Variants in PTPRD observed in about 807,000 individuals in gnomAD.
PTPRD encodes receptor-type tyrosine-protein phosphatase delta.
Under a neutral mutation model 214.5 loss-of-function variants are expected in PTPRD, and 34 were observed. The ratio of observed to expected loss-of-function variants is 0.16; its 90% CI spans 0.12 to 0.21. The LOEUF is 0.21. PTPRD is among the 10% of genes least tolerant of loss of function. The probability of loss-of-function intolerance (pLI) is 1.00; values close to 1 mark genes in which losing one functional copy is unlikely to be tolerated. For missense variants in PTPRD, 2,545 were observed against 2,398.7 expected, an observed-to-expected ratio of 1.06 and a Z score of -1.27; for synonymous variants, 1,128 against 845.7, an observed-to-expected ratio of 1.33 and a Z score of -5.79.
At position 8,673,430 on chromosome 9, in the gene PTPRD, A is replaced by C. The variant is rs1001565415; in HGVS notation, c.65-36586T>G. ...GCACTTAACACATTTTTCATGCTCT[A>C]TAAATTATTAATAATAACAGTAGTA... On this transcript the variant is annotated intron_variant, in intron 12 of 45. Coordinates refer to ENST00000381196, the MANE Select transcript of PTPRD (RefSeq NM_002839.4). Among the ~76,000 whole-genome samples the C allele has an allele frequency of 2.6e-5, 4 of 152,292 alleles. No homozygotes were observed. In the East Asian group the frequency reaches 5.8e-4, roughly 22 times the overall value.
At chr9:10,461,911 C>T (rs1317797310) in intron 2 of PTPRD, among the ~76,000 whole-genome samples, 3 of 152,100 alleles carry the variant, frequency 2.0e-5, no homozygotes, top group Non-Finnish European at 2.9e-5. Flanking sequence ...CGTGAATCAC[C>T]ACACCCGGTC....
At chr9:10,153,486 T>C (rs898105667) in intron 3 of PTPRD, among the ~76,000 whole-genome samples, 5 of 150,664 alleles carry the variant, frequency 3.3e-5, no homozygotes, top group African/African-American at 9.7e-5. Context: ...GTCTATAATC[T>C]ATATTTATAC....
intron 2 of PTPRD, among the ~76,000 whole-genome samples, chr9:10,550,256 A>C (rs1357383855): frequency 6.6e-6 from 1 of 152,180 alleles, no homozygotes; most frequent in Non-Finnish European, 1.5e-5. Context: ...AAAATAAATC[A>C]AGTACTTTCT....
In PTPRD at chr9:10,363,733, T is replaced by A. The variant is rs139791930; in HGVS notation, c.-599-22716A>T. 1.5e-3 allele frequency among the ~76,000 whole-genome samples: 223 copies of A among 152,276 alleles called. 1 individual carries two copies. The highest frequency in any genetic ancestry group is 5.2e-3 in the African/African-American group (216 of 41,558). On this transcript the variant is annotated intron_variant, in intron 2 of 45. Coordinates refer to ENST00000381196, the MANE Select transcript of PTPRD (RefSeq NM_002839.4). ...CCAGGATTTCAATAGATAACCATTG[T>A]CCAAATAAACCAATAAAATGTGACC...
intron 2 of PTPRD, among the ~76,000 whole-genome samples, chr9:10,583,624 A>G (rs1304556389): frequency 6.6e-6 from 1 of 151,720 alleles, no homozygotes; most frequent in Non-Finnish European, 1.5e-5. Flanking sequence ...GACTACAGGC[A>G]CCCGCCACCA....
intron 5 of PTPRD, among the ~76,000 whole-genome samples, chr9:9,794,296 T>C (rs943148754): frequency 2.0e-5 from 3 of 151,752 alleles, no homozygotes; most frequent in Non-Finnish European, 4.4e-5. Flanking sequence ...ATGTTGACCA[T>C]GGAAGGTGTT....
chr9:9,205,576 G>T (rs1331014740), intron 9 of PTPRD, among the ~76,000 whole-genome samples: 2 of 152,074 alleles, frequency 1.3e-5, no homozygotes, highest in Non-Finnish European at 2.9e-5. Flanking sequence ...TTCTTTCTTT[G>T]CATTATCTAA....
chr9:10,078,226 C>G lies in PTPRD; in HGVS notation c.-544-44436G>C, dbSNP rs190665915. Among the ~76,000 whole-genome samples the G allele has an allele frequency of 1.9e-3, 295 of 151,654 alleles. 2 individuals carry two copies. The highest frequency in any genetic ancestry group is 6.7e-3 in the African/African-American group (275 of 41,352). The stretch of plus-strand genomic sequence containing the variant: ...AGATCTCAGGGTTAGAAAGAACCCA[C>G]CTAGGGCCGGGCACAGTGGCTTACG... On this transcript the variant is annotated intron_variant, in intron 3 of 45. Transcript: ENST00000381196.
At chr9:9,638,157 C>T (rs80289626) in intron 7 of PTPRD, among the ~76,000 whole-genome samples, 2,878 of 152,280 alleles carry the variant, frequency 0.019, 87 homozygotes, top group African/African-American at 0.066. Flanking sequence ...CAAAATACTG[C>T]TTTATTCTTT....
intron 9 of PTPRD, among the ~76,000 whole-genome samples, chr9:9,274,660 T>G (rs1437347889): frequency 6.6e-6 from 1 of 151,226 alleles, no homozygotes; most frequent in Admixed American, 6.6e-5. Context: ...TTGAACATAT[T>G]CTTTTGTCAG....
intron 44 of PTPRD, among the ~76,000 whole-genome samples, chr9:8,327,730 T>C (rs551585095): frequency 1.1e-4 from 16 of 152,240 alleles, no homozygotes; most frequent in Non-Finnish European, 2.1e-4. Flanking sequence ...CTGTAGAGGG[T>C]TCATATATAT....
chr9:9,451,179 G>C (rs2092077075), intron 8 of PTPRD, among the ~76,000 whole-genome samples: 1 of 151,676 alleles, frequency 6.6e-6, no homozygotes, highest in Non-Finnish European at 1.5e-5. Flanking sequence ...GCAATACACA[G>C]AAGGAAAAGC....
chr9:9,801,808 T>G (rs146140716), intron 5 of PTPRD, among the ~76,000 whole-genome samples: 321 of 152,186 alleles, frequency 2.1e-3, no homozygotes, highest in African/African-American at 7.4e-3. Context: ...TGCAAGTTCT[T>G]TTATCCGTTG....
chr9:9,462,841 A>T (rs1207115898), intron 8 of PTPRD, among the ~76,000 whole-genome samples: 1 of 152,112 alleles, frequency 6.6e-6, no homozygotes, highest in Non-Finnish European at 1.5e-5. Context: ...TAGACACTTT[A>T]TCCCTCTTCT....
intron 4 of PTPRD, among the ~76,000 whole-genome samples, chr9:9,990,937 C>CTTT (rs5896359): frequency 0.067 from 9,429 of 141,564 alleles, 438 homozygotes; most frequent in East Asian, 0.13. Context: ...GTAAAATAGT[C>CTTT]TTTTTTTTTT....
chr9:9,395,544 C>T (rs1049044003), intron 9 of PTPRD, among the ~76,000 whole-genome samples: 5 of 152,080 alleles, frequency 3.3e-5, no homozygotes, highest in Non-Finnish European at 7.4e-5. Flanking sequence ...TGGCCTTCTT[C>T]AAGCACCTAC....
intron 8 of PTPRD, among the ~76,000 whole-genome samples, chr9:9,419,043 A>AAC (rs1180650852): frequency 6.6e-6 from 1 of 151,426 alleles, no homozygotes; most frequent in Non-Finnish European, 1.5e-5. Flanking sequence ...ATTGAATGAG[A>AAC]ACACACATAT....
chr9:10,219,472 G>A (rs1192969924), intron 3 of PTPRD, among the ~76,000 whole-genome samples: 1 of 151,620 alleles, frequency 6.6e-6, no homozygotes, highest in Non-Finnish European at 1.5e-5. Flanking sequence ...ACCCCCTTCT[G>A]ATTTACGAGC....
At chr9:9,981,354 ATT>A (rs1555426883) in intron 4 of PTPRD, among the ~76,000 whole-genome samples, 12 of 138,180 alleles carry the variant, frequency 8.7e-5, no homozygotes, top group Non-Finnish European at 9.2e-5. Context: ...ACATTAAACA[ATT>A]TTTTTTTTTT....
Sources: allele counts gnomAD v4.1 joint callset (sites outside exome capture counted in the v4.1 genomes callset), GRCh38; gene constraint gnomAD v4.1.1; transcripts MANE v1.5; gene names NCBI Gene and HGNC (gene_info 2026-07-23, HGNC 2026-07-21).